Variants in MAP2 observed in about 807,000 individuals in gnomAD.
MAP2 encodes microtubule-associated protein 2.
Under a neutral mutation model 137.6 loss-of-function variants are expected in MAP2, and 14 were observed. The ratio of observed to expected loss-of-function variants is 0.10; its 90% CI spans 0.07 to 0.16. The LOEUF is 0.16. MAP2 is among the 10% of genes least tolerant of loss of function. MAP2 has a pLI of 1.00. For synonymous variants in MAP2, 786 were observed against 782.3 expected (o/e 1.00, Z -0.08); for missense variants, 2,088 against 2,191.5 (o/e 0.95, Z 0.94).
At chr2:209,627,115 C>T (rs2663648) in intron 4 of MAP2, among the ~76,000 whole-genome samples, 48,587 of 151,912 alleles carry the variant, frequency 0.32, 13,400 homozygotes, top group African/African-American at 0.75. Flanking sequence ...ATACATGAAA[C>T]ACTTACTATT....
intron 1 of MAP2, among the ~76,000 whole-genome samples, chr2:209,437,484 G>A (rs1469780906): frequency 6.6e-6 from 1 of 151,562 alleles, no homozygotes; most frequent in African/African-American, 2.4e-5. Context: ...ATATTCTCAT[G>A]TGAAATTGTA....
intron 2 of MAP2, among the ~76,000 whole-genome samples, chr2:209,562,425 G>A (rs559494642): frequency 2.6e-5 from 4 of 151,372 alleles, no homozygotes; most frequent in Non-Finnish European, 5.9e-5. Context: ...GGTTAGGCAC[G>A]CTGGCTTACG....
chr2:209,451,248 C>T lies in MAP2; in HGVS notation c.-222+26972C>T, dbSNP rs1372204110. On this transcript the variant is annotated intron_variant, in intron 1 of 15. Coordinates refer to ENST00000682079, the MANE Select transcript of MAP2 (RefSeq NM_001375505.1). ...CTCATCACACTCATCCACTCTCCACCTTTCTCTACCCTGGTGAGGGGGTGA... is the reference window on the plus strand; with the variant it reads ...CTCATCACACTCATCCACTCTCCACTTTTCTCTACCCTGGTGAGGGGGTGA... Among the ~76,000 whole-genome samples, 3 of 152,202 alleles carry T rather than the reference C, an allele frequency of 2.0e-5. No individual in the cohort carries two copies. The East Asian group carries it at 5.8e-4, about 29-fold the overall frequency.
intron 1 of MAP2, among the ~76,000 whole-genome samples, chr2:209,470,478 T>TTA (rs1454631327): frequency 6.7e-6 from 1 of 149,544 alleles, no homozygotes. Flanking sequence ...AACATATATA[T>TTA]TATATATATA....
At chr2:209,489,811 A>G (rs1436868258) in intron 1 of MAP2, among the ~76,000 whole-genome samples, 1 of 152,212 alleles carries the variant, frequency 6.6e-6, no homozygotes, top group Non-Finnish European at 1.5e-5. Flanking sequence ...CCAAACCTAC[A>G]ATTGATTGGT....
At chr2:209,597,555 G>A (rs2081610082) in intron 3 of MAP2, among the ~76,000 whole-genome samples, 1 of 152,036 alleles carries the variant, frequency 6.6e-6, no homozygotes, top group Non-Finnish European at 1.5e-5. Flanking sequence ...ATGGTAGCTG[G>A]ACTTAGTTTC....
At chr2:209,666,865 T>G (rs2046550976) in intron 5 of MAP2, among the ~76,000 whole-genome samples, 1 of 152,048 alleles carries the variant, frequency 6.6e-6, no homozygotes, top group Non-Finnish European at 1.5e-5. Flanking sequence ...AAAGTAAATT[T>G]TATAATATCG....
At position 209,733,331 on chromosome 2, in the gene MAP2, C is replaced by T. The variant is rs999293543; in HGVS notation, c.*2934C>T. 2.0e-5 allele frequency: 3 copies of T among 152,512 alleles called. No homozygotes were observed. Among genetic ancestry groups the T allele is most frequent in the African/African-American group, 7.2e-5 (3 of 41,392 alleles). 9.4% of individuals were successfully genotyped at this position (152,512 alleles called of 1,614,324 possible). ...CTCTCTGGATTTACCTGCTGAGTTC[C>T]AGCAGCGTGATGGGCTGACATCCCA... is the stretch of plus-strand genomic sequence containing the variant. On this transcript the variant is annotated 3_prime_UTR_variant, in exon 16 of 16. Coordinates refer to ENST00000682079, the MANE Select transcript of MAP2 (RefSeq NM_001375505.1).
chr2:209,606,995 T>C (rs757973090), intron 3 of MAP2, among the ~76,000 whole-genome samples: 10 of 152,154 alleles, frequency 6.6e-5, no homozygotes, highest in Non-Finnish European at 1.5e-4. Context: ...ATTTTGAAAG[T>C]ATTTTATTGT....
chr2:209,549,799 G>A (rs571997609), intron 2 of MAP2, among the ~76,000 whole-genome samples: 39 of 152,254 alleles, frequency 2.6e-4, no homozygotes, highest in Non-Finnish European at 4.3e-4. Context: ...ATCACTTTGC[G>A]GTAATGGATA....
intron 4 of MAP2, among the ~76,000 whole-genome samples, chr2:209,652,557 C>T (rs973963590): frequency 6.6e-6 from 1 of 152,100 alleles, no homozygotes; most frequent in South Asian, 2.1e-4. Flanking sequence ...AGTGTATCTA[C>T]CTTCGGCTTT....
chr2:209,570,090 A>G (rs2074136876), intron 2 of MAP2, among the ~76,000 whole-genome samples: 1 of 151,854 alleles, frequency 6.6e-6, no homozygotes, highest in South Asian at 2.1e-4. Context: ...ATGGAATCTG[A>G]AATAATTCTG....
chr2:209,480,059 C>T (rs1216283763), intron 1 of MAP2, among the ~76,000 whole-genome samples: 1 of 152,052 alleles, frequency 6.6e-6, no homozygotes, highest in Non-Finnish European at 1.5e-5. Flanking sequence ...CTCATCATTC[C>T]TTACCTAATA....
intron 5 of MAP2, chr2:209,661,429 A>G (rs1582681295): frequency 4.0e-5 from 32 of 795,134 alleles, no homozygotes; most frequent in Non-Finnish European, 4.9e-5. Context: ...CATGCCAACC[A>G]CTCATTGCTC....
intron 2 of MAP2, among the ~76,000 whole-genome samples, chr2:209,520,971 A>C (rs558789383): frequency 3.7e-4 from 56 of 152,216 alleles, no homozygotes; most frequent in African/African-American, 1.3e-3. Context: ...CATGTTGGTT[A>C]ATGACAATGA....
At chr2:209,560,135 C>T (rs1212478208) in intron 2 of MAP2, among the ~76,000 whole-genome samples, 1 of 152,170 alleles carries the variant, frequency 6.6e-6, no homozygotes, top group East Asian at 1.9e-4. Context: ...TGTCTTCTGA[C>T]TCTGAGACTA....
At chr2:209,514,844 A>G (rs1349676996) in intron 2 of MAP2, among the ~76,000 whole-genome samples, 39 of 152,128 alleles carry the variant, frequency 2.6e-4, no homozygotes, top group Non-Finnish European at 5.9e-5. Flanking sequence ...AAGGAATATG[A>G]CATACAATAC....
At chr2:209,679,700 G>T (rs1195231452) in intron 6 of MAP2, among the ~76,000 whole-genome samples, 1 of 151,752 alleles carries the variant, frequency 6.6e-6, no homozygotes, top group Non-Finnish European at 1.5e-5. Context: ...AGTACTGTGG[G>T]TTTTTTTAAT....
intron 1 of MAP2, among the ~76,000 whole-genome samples, chr2:209,500,792 T>A (rs962581860): frequency 2.0e-5 from 3 of 151,960 alleles, no homozygotes; most frequent in Non-Finnish European, 4.4e-5. Context: ...GCCTATAATC[T>A]CAGCAATTTC....
Sources: allele counts gnomAD v4.1 joint callset (sites outside exome capture counted in the v4.1 genomes callset), GRCh38; gene constraint gnomAD v4.1.1; transcripts MANE v1.5; gene names NCBI Gene and HGNC (gene_info 2026-07-23, HGNC 2026-07-21).